NRG1: variants seen among roughly 807,000 people sequenced by gnomAD.
NRG1 encodes neuregulin 1.
NRG1 carries 18 observed loss-of-function variants against 63.8 expected under a neutral mutation model. The ratio of observed to expected loss-of-function variants is 0.28; its 90% CI spans 0.19 to 0.42. The LOEUF (loss-of-function observed/expected upper bound fraction) is 0.42. NRG1 is among the 10% of genes least tolerant of loss of function. The pLI, the probability that NRG1 is intolerant of heterozygous loss-of-function variation, is 1.00. For synonymous variants in NRG1, 302 were observed against 301.3 expected (o/e 1.00, Z -0.02); for missense variants, 762 against 814.7 (o/e 0.94, Z 0.79).
intron 5 of NRG1, among the ~76,000 whole-genome samples, chr8:32,696,656 CTTTTTTT>C (rs143232293): frequency 1.2e-5 from 1 of 86,590 alleles, no homozygotes; most frequent in Admixed American, 1.2e-4. Flanking sequence ...TATAATCTAT[CTTTTTTT>C]TTTTTTTTTT....
At chr8:32,714,825 C>T (rs7464402) in intron 5 of NRG1, among the ~76,000 whole-genome samples, 47,093 of 152,108 alleles carry the variant, frequency 0.31, 7,754 homozygotes, top group Non-Finnish European at 0.35. Flanking sequence ...CAAGCTCAAG[C>T]GCGTGCACGC....
intron 1 of NRG1, among the ~76,000 whole-genome samples, chr8:32,210,247 A>AT (rs1347953226): frequency 5.3e-5 from 8 of 152,000 alleles, no homozygotes; most frequent in Non-Finnish European, 5.9e-5. Context: ...TATACCTATC[A>AT]TTTTTTTCAT....
At chr8:32,744,411 C>T (rs1827065570) in intron 7 of NRG1, among the ~76,000 whole-genome samples, 1 of 151,972 alleles carries the variant, frequency 6.6e-6, no homozygotes, top group Non-Finnish European at 1.5e-5. Context: ...AAGTAATATG[C>T]ATTTAGTAGG....
At chr8:31,976,076 G>A (rs1430608332) in intron 1 of NRG1, among the ~76,000 whole-genome samples, 1 of 152,110 alleles carries the variant, frequency 6.6e-6, no homozygotes, top group Non-Finnish European at 1.5e-5. Context: ...TTAAATGGCT[G>A]TAAAGTGACA....
chr8:31,946,224 T>C (rs1802513126), intron 1 of NRG1, among the ~76,000 whole-genome samples: 1 of 152,206 alleles, frequency 6.6e-6, no homozygotes, highest in Non-Finnish European at 1.5e-5. Context: ...TTCATTATCT[T>C]CTAGATTGCA....
At chr8:31,858,858 C>G (rs1056135733) in intron 1 of NRG1, among the ~76,000 whole-genome samples, 12 of 152,154 alleles carry the variant, frequency 7.9e-5, no homozygotes, top group African/African-American at 2.9e-4. Context: ...GAAGTTTTGC[C>G]TCATTTGCCA....
At position 31,860,923 on chromosome 8, in the gene NRG1, AT is replaced by A. The variant is rs1306206146; in HGVS notation, c.37+221494del. ...GTGTCGAATAGGGTAGGAGAGAAAC[AT>A]TGTTCCCTGTTTTTCATTTAGAAAG... On this transcript the variant is annotated intron_variant, in intron 1 of 10. Coordinates refer to the NRG1 transcript ENST00000519301. 2.6e-5 allele frequency among the ~76,000 whole-genome samples: 4 copies of A among 152,278 alleles called. No homozygotes were observed. The East Asian group carries it at 7.7e-4, about 29-fold the overall frequency.
intron 1 of NRG1, among the ~76,000 whole-genome samples, chr8:31,642,865 C>T (rs146064415): frequency 2.0e-5 from 3 of 152,202 alleles, no homozygotes; most frequent in Admixed American, 6.5e-5. Flanking sequence ...AGTTTCTCCT[C>T]GCATTTTTAC....
intron 5 of NRG1, among the ~76,000 whole-genome samples, chr8:32,725,415 T>C (rs1342477551): frequency 6.6e-6 from 1 of 151,420 alleles, no homozygotes; most frequent in Non-Finnish European, 1.5e-5. Flanking sequence ...CTGTCAGCAG[T>C]TGAAAGCCTT....
At chr8:31,855,921 A>G (rs1330902267) in intron 1 of NRG1, among the ~76,000 whole-genome samples, 1 of 151,752 alleles carries the variant, frequency 6.6e-6, no homozygotes, top group African/African-American at 2.4e-5. Context: ...TCTTTTCTTT[A>G]AGAATGTTGA....
At chr8:32,574,116 T>C (rs531271733) in intron 1 of NRG1, among the ~76,000 whole-genome samples, 1 of 152,282 alleles carries the variant, frequency 6.6e-6, no homozygotes, top group African/African-American at 2.4e-5. Context: ...TAAACATACA[T>C]GTGCGTGTGT....
intron 1 of NRG1, among the ~76,000 whole-genome samples, chr8:32,404,406 T>C (rs1290948557): frequency 6.6e-6 from 1 of 152,108 alleles, no homozygotes; most frequent in African/African-American, 2.4e-5. Flanking sequence ...ATGCCTACTT[T>C]ATTCATCATC....
At chr8:32,344,837 A>C (rs1345425295) in intron 1 of NRG1, among the ~76,000 whole-genome samples, 2 of 152,128 alleles carry the variant, frequency 1.3e-5, no homozygotes, top group African/African-American at 4.8e-5. Flanking sequence ...TTAGTTTGTT[A>C]GATATTTAAA....
intron 1 of NRG1, among the ~76,000 whole-genome samples, chr8:31,971,114 T>A (rs932089361): frequency 3.3e-5 from 5 of 152,272 alleles, no homozygotes; most frequent in African/African-American, 4.8e-5. Context: ...ATGTTGCTTT[T>A]TTTTTTTCTT....
chr8:31,854,608 T>C (rs1290013211), intron 1 of NRG1, among the ~76,000 whole-genome samples: 1 of 152,174 alleles, frequency 6.6e-6, no homozygotes, highest in African/African-American at 2.4e-5. Flanking sequence ...TGTCTCTATT[T>C]CCTTCAGTTC....
At chr8:32,328,006 TAATGTG>T (rs952163389) in intron 1 of NRG1, among the ~76,000 whole-genome samples, 1 of 152,208 alleles carries the variant, frequency 6.6e-6, no homozygotes, top group African/African-American at 2.4e-5. Context: ...TTCAAATCTT[TAATGTG>T]GAAAGAATGA....
At chr8:32,420,668 C>T (rs4236708) in intron 1 of NRG1, among the ~76,000 whole-genome samples, 24,241 of 152,046 alleles carry the variant, frequency 0.16, 2,204 homozygotes, top group Admixed American at 0.27. Context: ...TTTTTGCTCT[C>T]ATAACAGTGC....
intron 1 of NRG1, among the ~76,000 whole-genome samples, chr8:31,942,058 CAA>C (rs1311090797): frequency 6.6e-6 from 1 of 151,846 alleles, no homozygotes; most frequent in Non-Finnish European, 1.5e-5. Flanking sequence ...TCATATGGAA[CAA>C]AAAAAGAGCC....
At chr8:32,017,928 G>C (rs1054421207) in intron 1 of NRG1, among the ~76,000 whole-genome samples, 12 of 152,294 alleles carry the variant, frequency 7.9e-5, no homozygotes, top group African/African-American at 2.9e-4. Context: ...ATCCCTGGAG[G>C]TTGGGGGTGG....
Sources: gnomAD v4.1 joint callset for allele counts (sites outside exome capture counted in the v4.1 genomes callset) on GRCh38, gnomAD v4.1.1 for gene constraint, MANE v1.5 for transcripts, NCBI Gene and HGNC (gene_info 2026-07-23, HGNC 2026-07-21) for gene names.